Variants in FAM184B observed in about 807,000 individuals in gnomAD.
FAM184B encodes protein FAM184B.
Under a neutral mutation model 135.9 loss-of-function variants are expected in FAM184B, and 111 were observed. The observed-to-expected ratio is 0.82, with a 90% CI of 0.70 to 0.96. FAM184B has a LOEUF of 0.96. FAM184B is among the 40% of genes least tolerant of loss of function. The pLI is 0.00. For missense variants in FAM184B, 1,375 were observed against 1,323.9 expected, an observed-to-expected ratio of 1.04 and a Z score of -0.60; for synonymous variants, 552 against 524.8, an observed-to-expected ratio of 1.05 and a Z score of -0.71.
rs963383303 is a variant in FAM184B, at chr4:17,724,821, C to T, written c.142-15177G>A. 5.3e-5 allele frequency among the ~76,000 whole-genome samples: 8 copies of T among 152,280 alleles called. No individual in the cohort carries two copies. The South Asian group carries it at 1.4e-3, about 28-fold the overall frequency. ...GAGGGCAAGCTTGCTCTCTGTCCTG[C>T]CTAAATATTTCTGGAATCATTTCCT... On this transcript the variant is annotated intron_variant, in intron 1 of 17. Coordinates refer to ENST00000265018, the MANE Select transcript of FAM184B (RefSeq NM_015688.2).
At chr4:17,739,235 C>T (rs1204119494) in intron 1 of FAM184B, among the ~76,000 whole-genome samples, 1 of 152,070 alleles carries the variant, frequency 6.6e-6, no homozygotes, top group South Asian at 2.1e-4. Context: ...CAGGCTCCTT[C>T]CCCAGTCTGA....
intron 14 of FAM184B, among the ~76,000 whole-genome samples, chr4:17,636,965 C>G (rs909418509): frequency 3.3e-5 from 5 of 152,308 alleles, no homozygotes; most frequent in South Asian, 4.1e-4. Flanking sequence ...CGTAGGTTCT[C>G]TTAATGCTCT....
intron 12 of FAM184B, 129 bp from the exon 13 acceptor site, chr4:17,642,357 C>T (rs957222934): frequency 7.6e-5 from 104 of 1,370,870 alleles, no homozygotes; most frequent in Non-Finnish European, 8.9e-5. Flanking sequence ...CTGTGGCAGG[C>T]TCCTGAGTTC....
At chr4:17,691,509 A>G (rs1390944728) in intron 6 of FAM184B, among the ~76,000 whole-genome samples, 2 of 151,918 alleles carry the variant, frequency 1.3e-5, no homozygotes, top group Non-Finnish European at 2.9e-5. Context: ...AACACGGTGA[A>G]ACCCCGTCTT....
At chr4:17,757,636 G>C (rs987475490) in intron 1 of FAM184B, among the ~76,000 whole-genome samples, 3 of 152,136 alleles carry the variant, frequency 2.0e-5, no homozygotes, top group African/African-American at 4.8e-5. Flanking sequence ...GATATGGATA[G>C]AAATAAAGCA....
rs905579877 is a variant in FAM184B, at chr4:17,721,434, C to T, written c.142-11790G>A. On this transcript the variant is annotated intron_variant, in intron 1 of 17. Coordinates refer to ENST00000265018, the MANE Select transcript of FAM184B (RefSeq NM_015688.2). ...TCTTTGCCCTAGCAGAAAGGGCATCCGAGTGCAGAGGATACCCAAGTTGGG... is the reference window on the plus strand; with the variant it reads ...TCTTTGCCCTAGCAGAAAGGGCATCTGAGTGCAGAGGATACCCAAGTTGGG... 8.3e-5 allele frequency among the ~76,000 whole-genome samples: 12 copies of T among 144,208 alleles called. No individual in the cohort carries two copies. In the East Asian group the frequency reaches 1.4e-3, roughly 17 times the overall value. The allele number at this position is 144,208 out of a possible 152,430, so 94.6% of individuals were successfully genotyped here. A position where few individuals can be genotyped will look rare whatever the true frequency, so the allele number is the denominator to read the frequency against.
intron 1 of FAM184B, among the ~76,000 whole-genome samples, chr4:17,721,348 C>T (rs986999873): frequency 3.1e-5 from 4 of 127,512 alleles, no homozygotes; most frequent in African/African-American, 1.2e-4. Flanking sequence ...TGCACCACTG[C>T]ACTCCAGCCT....
chr4:17,749,304 G>A (rs1003771946), intron 1 of FAM184B, among the ~76,000 whole-genome samples: 3 of 151,768 alleles, frequency 2.0e-5, no homozygotes, highest in Non-Finnish European at 4.4e-5. Context: ...AGAACCAGAC[G>A]GGCACAGTGG....
intron 1 of FAM184B, among the ~76,000 whole-genome samples, chr4:17,749,882 C>A (rs1275014310): frequency 6.6e-6 from 1 of 151,320 alleles, no homozygotes; most frequent in Non-Finnish European, 1.5e-5. Flanking sequence ...TATTTTATTT[C>A]GTCACTTTTA....
intron 1 of FAM184B, among the ~76,000 whole-genome samples, chr4:17,713,688 G>A (rs1717338931): frequency 1.3e-5 from 2 of 152,018 alleles, no homozygotes; most frequent in Admixed American, 6.6e-5. Flanking sequence ...ATATAAGAAG[G>A]TTTGAGTAAT....
chr4:17,721,151 G>C (rs939706838), intron 1 of FAM184B, among the ~76,000 whole-genome samples: 1 of 151,488 alleles, frequency 6.6e-6, no homozygotes. Flanking sequence ...TTCGGAGGCC[G>C]AGAAGGCGGA....
intron 1 of FAM184B, among the ~76,000 whole-genome samples, chr4:17,773,299 C>A (rs1222473243): frequency 6.6e-6 from 1 of 152,200 alleles, no homozygotes; most frequent in African/African-American, 2.4e-5. Context: ...GTAAGGTGTT[C>A]CTAACATGGA....
rs1025298970 is a variant in FAM184B, at chr4:17,747,448, G to C, written c.141+33711C>G. Among the ~76,000 whole-genome samples, 93 of 152,124 alleles carry C rather than the reference G, an allele frequency of 6.1e-4. 1 individual carries two copies. The highest frequency in any genetic ancestry group is 2.1e-3 in the African/African-American group (85 of 41,406). ...GATATGGGTAGAGGTTGGTACTTCC[G>C]AAGTCTGGAGAAGAGCTCTCTTATC... On this transcript the variant is annotated intron_variant, in intron 1 of 17. Coordinates refer to ENST00000265018, the MANE Select transcript of FAM184B (RefSeq NM_015688.2).
intron 1 of FAM184B, among the ~76,000 whole-genome samples, chr4:17,768,907 G>A (rs1333929582): frequency 3.9e-5 from 6 of 151,944 alleles, no homozygotes; most frequent in African/African-American, 1.4e-4. Flanking sequence ...GGGTTCAAGC[G>A]ATTCTCCTGC....
At chr4:17,733,269 A>G (rs1018533448) in intron 1 of FAM184B, among the ~76,000 whole-genome samples, 5 of 152,186 alleles carry the variant, frequency 3.3e-5, no homozygotes, top group African/African-American at 7.2e-5. Context: ...CCCTTTGAAA[A>G]CTGGCACAAG....
chr4:17,771,987 TG>T (rs1469554738), intron 1 of FAM184B, among the ~76,000 whole-genome samples: 1 of 152,134 alleles, frequency 6.6e-6, no homozygotes, highest in East Asian at 1.9e-4. Flanking sequence ...CCCCTTTGCA[TG>T]GGGAGGTCAG....
intron 11 of FAM184B, among the ~76,000 whole-genome samples, chr4:17,652,414 A>AC (rs1253078679): frequency 3.3e-5 from 5 of 152,102 alleles, no homozygotes; most frequent in African/African-American, 1.2e-4. Context: ...GTCAGCCACC[A>AC]CACCCGGCCT....
chr4:17,750,214 G>A (rs1718264203), intron 1 of FAM184B, among the ~76,000 whole-genome samples: 1 of 152,150 alleles, frequency 6.6e-6, no homozygotes. Flanking sequence ...ATCACCACCA[G>A]CTTAAAATAG....
chr4:17,698,150 A>T (rs369898420), intron 5 of FAM184B, among the ~76,000 whole-genome samples: 2 of 152,200 alleles, frequency 1.3e-5, no homozygotes, highest in African/African-American at 4.8e-5. Flanking sequence ...ATGCTCTCAG[A>T]TATTTAAACT....
Sources: allele counts gnomAD v4.1 joint callset (sites outside exome capture counted in the v4.1 genomes callset), GRCh38; gene constraint gnomAD v4.1.1; transcripts MANE v1.5; gene names NCBI Gene and HGNC (gene_info 2026-07-23, HGNC 2026-07-21).